MYO7A: variants seen among roughly 807,000 people sequenced by gnomAD.
MYO7A encodes myosin VIIA.
MYO7A carries 210 observed loss-of-function variants against 263.8 expected under a neutral mutation model. The ratio of observed to expected loss-of-function variants is 0.80; its 90% CI spans 0.71 to 0.89. The LOEUF is 0.89. Ranked by LOEUF, MYO7A falls within the 40% of genes least tolerant of loss-of-function variation. The probability of loss-of-function intolerance (pLI) is 0.00; values close to 1 mark genes in which losing one functional copy is unlikely to be tolerated. For missense variants in MYO7A, 2,820 were observed against 2,968.3 expected, an observed-to-expected ratio of 0.95 and a Z score of 1.16; for synonymous variants, 1,239 against 1,197.3, an observed-to-expected ratio of 1.03 and a Z score of -0.72.
chr11:77,181,724 G>A, intron 23 of MYO7A, 135 bp downstream of exon 23: 1 of 906,596 alleles, frequency 1.1e-6, no homozygotes, highest in Non-Finnish European at 1.6e-6. Flanking sequence ...CTGGGTCCGG[G>A]CTGCAGGTCC....
At chr11:77,146,642 G>A (rs1362737301) in intron 3 of MYO7A, among the ~76,000 whole-genome samples, 1 of 152,122 alleles carries the variant, frequency 6.6e-6, no homozygotes, top group Non-Finnish European at 1.5e-5. Flanking sequence ...GGGACCTGGA[G>A]GAGGAGCAGG....
intron 45 of MYO7A, 133 bp downstream of exon 45, chr11:77,211,470 C>G: frequency 9.6e-7 from 1 of 1,039,372 alleles, no homozygotes; most frequent in East Asian, 2.6e-5. Context: ...GATGAGGCCG[C>G]CCACCCTTGT....
chr11:77,157,011 C>T lies in MYO7A; in HGVS notation c.735+7C>T. 6.2e-7 allele frequency: 1 copy of T among 1,611,604 alleles called. No individual in the cohort carries two copies. The highest frequency in any genetic ancestry group is 8.5e-7 in the Non-Finnish European group (1 of 1,178,970). ...GTCACGTGTCTGTCGCCAGGTGGGC[C>T]TGAGCCCCAGGGATGCAGGAATAGA... On this transcript the variant is annotated splice_region_variant and intron_variant, in intron 7 of 48. Transcript: ENST00000409709.
chr11:77,162,914 T>TC lies in MYO7A; in HGVS notation c.1623dup (p.Lys542GlnfsTer5), dbSNP rs782077721. ...CAGCACAAGCTCAACGCCAACTACA[T>TC]CCCCCCCAAGAACAACCATGAGACC... On this transcript the variant is annotated frameshift_variant, in exon 14 of 49. Coordinates refer to ENST00000409709, the MANE Select transcript of MYO7A (RefSeq NM_000260.4). LOFTEE classifies it high-confidence loss of function. 4.0e-5 allele frequency: 64 copies of TC among 1,612,458 alleles called. No individual in the cohort carries two copies. Among genetic ancestry groups the TC allele is most frequent in the Non-Finnish European group, 5.0e-5 (59 of 1,179,574 alleles).
At position 77,194,456 on chromosome 11, in the gene MYO7A, G is replaced by A. The variant is rs377668282; in HGVS notation, c.4255G>A (p.Asp1419Asn). Reference sequence around the variant, plus strand: ...GAACCTCGTGCCCACCTACATCCCCGACCGCGAGATCACGCCCCTGAAGAC... The same window carrying A: ...GAACCTCGTGCCCACCTACATCCCCAACCGCGAGATCACGCCCCTGAAGAC... ...LLNLVPTYIP[D>N]REITPLKTLE... Residue 1419 changes from aspartate (D) to asparagine (N), a missense_variant, in exon 32 of 49, where the codon GAC becomes AAC. Asp to Asn is a conservative substitution (Grantham distance 23). Coordinates refer to ENST00000409709, the MANE Select transcript of MYO7A (RefSeq NM_000260.4). 8.7e-6 allele frequency: 14 copies of A among 1,610,360 alleles called. No individual in the cohort carries two copies. Among genetic ancestry groups the A allele is most frequent in the East Asian group, 4.5e-5 (2 of 44,780 alleles).
At chr11:77,189,558 A>C in intron 28 of MYO7A, 88 bp downstream of exon 28, 3 of 1,565,412 alleles carry the variant, frequency 1.9e-6, no homozygotes, top group Non-Finnish European at 2.6e-6. Context: ...GGGGCTCCAA[A>C]GGGCCTGGTC....
intron 31 of MYO7A, among the ~76,000 whole-genome samples, chr11:77,192,861 AATG>A (rs1956203296): frequency 3.4e-5 from 5 of 146,982 alleles, no homozygotes; most frequent in South Asian, 4.2e-4. Flanking sequence ...TGGTGTTGGT[AATG>A]ATGATGGTGG....
At chr11:77,166,844 C>A (rs1188353494) in intron 15 of MYO7A, among the ~76,000 whole-genome samples, 1 of 152,226 alleles carries the variant, frequency 6.6e-6, no homozygotes, top group Non-Finnish European at 1.5e-5. Flanking sequence ...GGGTCCCCCT[C>A]TCTCCATGGT....
At chr11:77,166,476 C>T (rs1555072688) in intron 15 of MYO7A, among the ~76,000 whole-genome samples, 12 of 152,112 alleles carry the variant, frequency 7.9e-5, no homozygotes, top group Non-Finnish European at 2.9e-5. Flanking sequence ...CTAAAGAGAG[C>T]ATGGGCAGAA....
intron 33 of MYO7A, 114 bp from the exon 34 acceptor site, chr11:77,198,381 C>CG: frequency 7.3e-7 from 1 of 1,374,410 alleles, no homozygotes; most frequent in South Asian, 1.4e-5. Flanking sequence ...CCTCAGTTTC[C>CG]ATATCTATAA....
Position 77,184,688 on chromosome 11 carries a change from G to A in MYO7A, c.3476G>A (p.Gly1159Asp). Residue 1159 changes from glycine (G) to aspartate (D), a missense_variant, in exon 27 of 49, where the codon GGC (glycine) becomes GAC (aspartate). Gly to Asp is a moderately conservative substitution (Grantham distance 94). Coordinates refer to ENST00000409709, the MANE Select transcript of MYO7A (RefSeq NM_000260.4). ...SNLEKLHFII[G>D]NGILRPALRD... is the part of the protein sequence containing the mutation. Reference sequence around the variant, plus strand: ...CTGGAGAAGCTGCACTTCATCATCGGCAATGGCATCCTGCGGCCAGCACTC... The same window carrying A: ...CTGGAGAAGCTGCACTTCATCATCGACAATGGCATCCTGCGGCCAGCACTC... 1.3e-6 allele frequency: 2 copies of A among 1,599,462 alleles called. No individual in the cohort carries two copies. The highest frequency in any genetic ancestry group is 1.1e-5 in the South Asian group (1 of 89,024).
chr11:77,130,735 C>T (rs1296954731), intron 2 of MYO7A, 83 bp downstream of exon 2: 2 of 1,471,318 alleles, frequency 1.4e-6, no homozygotes, highest in Non-Finnish European at 1.9e-6. Context: ...GGACACCCTC[C>T]CCAGGGTGTT....
At chr11:77,164,430 G>A (rs1555071239) in intron 14 of MYO7A, among the ~76,000 whole-genome samples, 2 of 151,934 alleles carry the variant, frequency 1.3e-5, no homozygotes. Flanking sequence ...TTTTAAAAAA[G>A]GCCAAAGATA....
chr11:77,143,473 GT>G (rs59679676), intron 3 of MYO7A, among the ~76,000 whole-genome samples: 1,873 of 152,324 alleles, frequency 0.012, 39 homozygotes, highest in African/African-American at 0.044. Flanking sequence ...AGAAGTGTAA[GT>G]TTTCTAGGTA....
chr11:77,155,966 G>A lies in MYO7A; in HGVS notation c.345G>A (p.Ser115=), dbSNP rs781980240. The change falls in exon 5 of 49, where the codon TCG becomes TCA. Residue 115 remains serine, a synonymous_variant. Coordinates refer to ENST00000409709, the MANE Select transcript of MYO7A (RefSeq NM_000260.4). ...VNPYQLLSIY[S]PEHIRQYTNK... The stretch of plus-strand genomic sequence containing the variant: ...CCTACCAGCTGCTCTCCATCTACTC[G>A]CCAGAGCACATCCGCCAGTATACCA... 16 of 1,612,652 alleles carry A rather than the reference G, an allele frequency of 9.9e-6. No individual in the cohort carries two copies. The highest frequency in any genetic ancestry group is 1.6e-4 in the Middle Eastern group (1 of 6,084).
At chr11:77,173,078 T>C (rs1954277955) in intron 16 of MYO7A, among the ~76,000 whole-genome samples, 193 bp downstream of exon 16, 1 of 151,358 alleles carries the variant, frequency 6.6e-6, no homozygotes, top group South Asian at 2.1e-4. Flanking sequence ...GAGCCTAGAC[T>C]CTGCGGGGGG....
chr11:77,192,119 G>A lies in MYO7A; in HGVS notation c.3993G>A (p.Lys1331=). 6.2e-7 allele frequency: 1 copy of A among 1,613,946 alleles called. No homozygotes were observed. Among genetic ancestry groups the A allele is most frequent in the Non-Finnish European group, 8.5e-7 (1 of 1,179,896 alleles). Residue 1331 remains lysine, a synonymous_variant, in exon 31 of 49, where the codon AAG becomes AAA. Transcript: ENST00000409709. ...TCTCCCAGTGCGAGCAGTACGCCAA[G>A]GAGCAGGGCGCCCAGGAGCGCAACG... ...DAISQCEQYA[K]EQGAQERNAP... is the part of the protein sequence containing the mutation.
At chr11:77,180,261 A>T in intron 21 of MYO7A, 113 bp from the exon 22 acceptor site, 1 of 299,700 alleles carries the variant, frequency 3.3e-6, no homozygotes, top group South Asian at 2.9e-5. Context: ...CACTTGTCCT[A>T]TCAAAGTCAT....
chr11:77,157,902 C>G (rs1555065074), intron 8 of MYO7A, among the ~76,000 whole-genome samples: 1 of 152,182 alleles, frequency 6.6e-6, no homozygotes, highest in African/African-American at 2.4e-5. Flanking sequence ...CCAGGCAGTA[C>G]CTGCCTAGGG....
Sources: allele counts gnomAD v4.1 joint callset (sites outside exome capture counted in the v4.1 genomes callset), GRCh38; gene constraint gnomAD v4.1.1; transcripts MANE v1.5; gene names NCBI Gene and HGNC (gene_info 2026-07-23, HGNC 2026-07-21).